CPHXL: variants seen among roughly 807,000 people sequenced by gnomAD.
CPHXL encodes the protein cytoplasmic polyadenylated homeobox like, also known as cytoplasmic polyadenylated homeobox-like protein.
chr16:75,719,276 C>A (rs1402663395), intron 1 of CPHXL, among the ~76,000 whole-genome samples: 1 of 152,130 alleles, frequency 6.6e-6, no homozygotes, highest in Admixed American at 6.5e-5. Context: ...GGGTGCAGGG[C>A]ACCGAGCATG....
chr16:75,719,439 G>T (rs1959441927), intron 1 of CPHXL, among the ~76,000 whole-genome samples: 1 of 152,154 alleles, frequency 6.6e-6, no homozygotes, highest in Admixed American at 6.5e-5. Flanking sequence ...TTAGCAAACG[G>T]CACACCAGGA....
At chr16:75,723,978 C>A (rs915379734) in intron 1 of CPHXL, among the ~76,000 whole-genome samples, 9 of 152,218 alleles carry the variant, frequency 5.9e-5, no homozygotes, top group Non-Finnish European at 1.2e-4. Flanking sequence ...CACATATCTA[C>A]AACCATCTGA....
At position 75,718,390 on chromosome 16, in the gene CPHXL, G is replaced by A. The variant is rs1056982084; in HGVS notation, c.94C>T (p.Arg32Ter). The A allele has an allele frequency of 2.8e-5, 11 of 398,452 alleles. No individual in the cohort carries two copies. The highest frequency in any genetic ancestry group is 1.3e-4 in the Admixed American group (3 of 22,698). 24.7% of individuals were successfully genotyped at this position (398,452 alleles called of 1,614,324 possible). A position where few individuals can be genotyped will look rare whatever the true frequency, so the allele number is the denominator to read the frequency against. Residue 32 changes from arginine (R) to a stop codon, truncating the protein, a stop_gained, in exon 2 of 3, where the codon CGA becomes TGA. Coordinates refer to ENST00000640559, the MANE Select transcript of CPHXL (RefSeq NM_001355613.1). LOFTEE classifies it high-confidence loss of function. The part of the protein sequence containing the change: ...QTKNKRKTKH[R>*]HKFSEELLQE... ...AGTAATTCTTCAGAAAATTTATGTC[G>A]GTGTTTTGTTTTTCTTTTATTCTTT...
At position 75,725,349 on chromosome 16, in the gene CPHXL, C is replaced by T. The variant is rs558585875; in HGVS notation, c.25+1069G>A. ...TGTCGCCTAGGCTGGAATGCAGTGGCGTGCTCTCAGCTCACTGCAATCTCC... is the reference window on the plus strand; with the variant it reads ...TGTCGCCTAGGCTGGAATGCAGTGGTGTGCTCTCAGCTCACTGCAATCTCC... On this transcript the variant is annotated intron_variant, in intron 1 of 2. Transcript: ENST00000640559. Among the ~76,000 whole-genome samples, 96 of 152,202 alleles carry T rather than the reference C, an allele frequency of 6.3e-4. 1 individual carries two copies. Among genetic ancestry groups the T allele is most frequent in the African/African-American group, 2.1e-3 (87 of 41,516 alleles).
chr16:75,714,149 TTC>T lies in CPHXL; in HGVS notation c.*73_*74del, dbSNP rs1314042020. On this transcript the variant is annotated 3_prime_UTR_variant, in exon 3 of 3. Transcript: ENST00000640559. ...CTGTGGGCCTGACCTGCGACTGTGT[TTC>T]TCTGACACTTAGCACTACTTTGCAG... The T allele has an allele frequency of 2.3e-5, 9 of 398,188 alleles. No homozygotes were observed. The highest frequency in any genetic ancestry group is 1.3e-4 in the South Asian group (1 of 7,500). The allele number at this position is 398,188 out of a possible 1,614,324, so 24.7% of individuals were successfully genotyped here.
chr16:75,714,908 T>C lies in CPHXL; in HGVS notation c.534A>G (p.Lys178=), dbSNP rs72789465. 4.4e-3 allele frequency: 1,744 copies of C among 398,620 alleles called. 5 individuals are homozygous for C. Among genetic ancestry groups the C allele is most frequent in the Non-Finnish European group, 6.2e-3 (1,397 of 226,080 alleles). The allele number at this position is 398,620 out of a possible 1,614,324, so 24.7% of individuals were successfully genotyped here. The change falls in exon 3 of 3, where the codon AAA becomes AAG. Residue 178 remains lysine (K), a synonymous_variant. Transcript: ENST00000640559. ...QVGPQCSYLE[K]PGIPSQQVGS... is the part of the protein sequence containing the mutation. ...CCACCTGTTGACTGGGAATCCCTGG[T>C]TTCTCCAGATAAGAGCACTGGGGGC...
chr16:75,717,568 G>A (rs943109243), intron 2 of CPHXL, among the ~76,000 whole-genome samples: 1 of 151,982 alleles, frequency 6.6e-6, no homozygotes, highest in Admixed American at 6.6e-5. Flanking sequence ...ATTCTGTATT[G>A]TTTTAACATT....
At chr16:75,723,869 A>AACCAAAACAGCATGGTACTGGT (rs1422670751) in intron 1 of CPHXL, among the ~76,000 whole-genome samples, 4 of 152,216 alleles carry the variant, frequency 2.6e-5, no homozygotes, top group East Asian at 3.8e-4. Flanking sequence ...AGGCTACAGT[A>AACCAAAACAGCATGGTACTGGT]ACCAAAACAG....
chr16:75,718,734 G>C (rs554196728), intron 1 of CPHXL, among the ~76,000 whole-genome samples: 22 of 152,312 alleles, frequency 1.4e-4, no homozygotes, highest in African/African-American at 4.8e-4. Context: ...CATTGCCTAT[G>C]GCTGTTTTCA....
At chr16:75,723,423 G>C (rs1442890647) in intron 1 of CPHXL, among the ~76,000 whole-genome samples, 1 of 152,156 alleles carries the variant, frequency 6.6e-6, no homozygotes, top group East Asian at 1.9e-4. Context: ...CAAAATCAAT[G>C]TGCAAAAATC....
At chr16:75,720,353 G>C (rs547586756) in intron 1 of CPHXL, among the ~76,000 whole-genome samples, 75 of 151,974 alleles carry the variant, frequency 4.9e-4, no homozygotes, top group African/African-American at 1.7e-3. Flanking sequence ...TAAAAACCTT[G>C]AAAAAAAATT....
At chr16:75,720,862 G>A (rs1346533203) in intron 1 of CPHXL, among the ~76,000 whole-genome samples, 2 of 152,172 alleles carry the variant, frequency 1.3e-5, no homozygotes, top group Non-Finnish European at 2.9e-5. Context: ...AGAAAGGTCG[G>A]GTTACCCACA....
chr16:75,716,608 AC>A (rs1448164119), intron 2 of CPHXL, among the ~76,000 whole-genome samples: 1 of 151,976 alleles, frequency 6.6e-6, no homozygotes, highest in Admixed American at 6.6e-5. Flanking sequence ...AAGTATCTGG[AC>A]CCTCTTCAAA....
intron 1 of CPHXL, among the ~76,000 whole-genome samples, chr16:75,722,949 C>A (rs138928821): frequency 1.3e-5 from 2 of 151,998 alleles, no homozygotes; most frequent in African/African-American, 4.8e-5. Flanking sequence ...GTTCAACATA[C>A]GAAAATCAAT....
intron 1 of CPHXL, among the ~76,000 whole-genome samples, chr16:75,721,795 T>C (rs977950037): frequency 1.6e-4 from 24 of 152,160 alleles, no homozygotes; most frequent in Non-Finnish European, 2.6e-4. Context: ...ATCAACAGAA[T>C]ATACATTCTT....
chr16:75,714,373 G>T lies in CPHXL; in HGVS notation c.1069C>A (p.Gln357Lys), dbSNP rs1764644046. The T allele has an allele frequency of 2.5e-6, 1 of 398,456 alleles. No homozygotes were observed. Among genetic ancestry groups the T allele is most frequent in the Non-Finnish European group, 4.4e-6 (1 of 226,080 alleles). 24.7% of individuals were successfully genotyped at this position (398,456 alleles called of 1,614,324 possible). ...GGCTTTCCATTATTCTGAGGCAGTT[G>T]ACTCTGCAGCTGTGACTGAGCCGAG... ...WSSAQSQLQSQLPQNNGKPLC... is the reference protein window; with the variant it reads ...WSSAQSQLQSKLPQNNGKPLC... The change falls in exon 3 of 3, where the codon CAA becomes AAA. Residue 357 changes from glutamine to lysine, a missense_variant. Coordinates refer to ENST00000640559, the MANE Select transcript of CPHXL (RefSeq NM_001355613.1).
intron 1 of CPHXL, among the ~76,000 whole-genome samples, chr16:75,725,205 A>G (rs1363268701): frequency 1.1e-4 from 16 of 152,146 alleles, no homozygotes; most frequent in South Asian, 6.2e-4. Context: ...CAGCACACCA[A>G]CATGGCACAT....
intron 1 of CPHXL, among the ~76,000 whole-genome samples, chr16:75,723,724 C>A (rs1266519736): frequency 7.9e-5 from 12 of 152,152 alleles, no homozygotes; most frequent in East Asian, 1.9e-4. Context: ...CTACCAATGA[C>A]TTTCTTCACA....
chr16:75,722,605 C>T (rs1004169347), intron 1 of CPHXL, among the ~76,000 whole-genome samples: 4 of 151,722 alleles, frequency 2.6e-5, no homozygotes, highest in Admixed American at 1.3e-4. Context: ...GAAATTGAGG[C>T]AATAATAGCT....
Sources: gnomAD v4.1 joint callset for allele counts (sites outside exome capture counted in the v4.1 genomes callset) on GRCh38, gnomAD v4.1.1 for gene constraint, MANE v1.5 for transcripts, NCBI Gene and HGNC (gene_info 2026-07-23, HGNC 2026-07-21) for gene names.